VPS13D: variants seen among roughly 807,000 people sequenced by gnomAD.
The protein encoded by VPS13D is intermembrane lipid transfer protein VPS13D.
VPS13D carries 187 observed loss-of-function variants against 461.9 expected under a neutral mutation model. That is an observed-to-expected ratio of 0.40 (90% CI 0.36 to 0.46). VPS13D has a LOEUF of 0.46. Ranked by LOEUF, VPS13D falls within the 20% of genes least tolerant of loss-of-function variation. The pLI is 0.60. For synonymous variants in VPS13D, 1,951 were observed against 1,986.3 expected (o/e 0.98, Z 0.47); for missense variants, 4,711 against 5,364.9 (o/e 0.88, Z 3.81).
At chr1:12,335,941 TCTGA>T (rs1264709231) in intron 39 of VPS13D, 114 bp downstream of exon 39, 6 of 1,471,176 alleles carry the variant, frequency 4.1e-6, no homozygotes, top group East Asian at 2.3e-5. Context: ...TACAGGAAAT[TCTGA>T]CTATCTTCTG....
intron 53 of VPS13D, among the ~76,000 whole-genome samples, chr1:12,369,221 G>A (rs1644082130): frequency 6.6e-6 from 1 of 150,400 alleles, no homozygotes; most frequent in Admixed American, 6.7e-5. Flanking sequence ...ATATATGTGT[G>A]TGTGTATCTG....
At position 12,291,059 on chromosome 1, in the gene VPS13D, T is replaced by C. The variant is rs1240639157; in HGVS notation, c.5787T>C (p.His1929=). 6.2e-7 allele frequency: 1 copy of C among 1,613,970 alleles called. No homozygotes were observed. The highest frequency in any genetic ancestry group is 1.3e-5 in the African/African-American group (1 of 74,930). ...GSLSLSDLTC[H]GEFYRERFTT... ...TGTCTCTAAGTGACCTCACATGCCA[T>C]GGAGAGTTCTACAGAGAACGGTTCA... is the stretch of plus-strand genomic sequence containing the variant. The change falls in exon 23 of 70, where the codon CAT becomes CAC. Residue 1929 remains histidine, a synonymous_variant. Coordinates refer to ENST00000620676, the MANE Select transcript of VPS13D (RefSeq NM_015378.4).
intron 65 of VPS13D, among the ~76,000 whole-genome samples, chr1:12,438,774 A>G (rs1336889520): frequency 6.6e-6 from 1 of 152,186 alleles, no homozygotes; most frequent in Non-Finnish European, 1.5e-5. Context: ...TCAGAACTGA[A>G]ATTTTGACAT....
rs1182329899 is a variant in VPS13D at position 12,311,501 on chromosome 1, C to T, written c.6698C>T (p.Ser2233Phe). The change falls in exon 28 of 70, where the codon TCC becomes TTC. Residue 2233 changes from serine (S) to phenylalanine (F), a missense_variant. Coordinates refer to ENST00000620676, the MANE Select transcript of VPS13D (RefSeq NM_015378.4). ...VPDISIHGNL[S>F]SVHCSLDLYK... ...GACATATCTATCCATGGCAATCTCT[C>T]CTCAGTCCACTGCTCTCTGGATCTG... The T allele has an allele frequency of 1.2e-6, 2 of 1,614,116 alleles. No homozygotes were observed. The highest frequency in any genetic ancestry group is 2.2e-5 in the South Asian group (2 of 91,080).
chr1:12,481,349 A>C (rs1163560830), intron 67 of VPS13D, among the ~76,000 whole-genome samples: 1 of 151,992 alleles, frequency 6.6e-6, no homozygotes, highest in Non-Finnish European at 1.5e-5. Context: ...TCCGTGCCCA[A>C]CCCCTTCCCT....
At position 12,476,649 on chromosome 1, in the gene VPS13D, C is replaced by A. The variant is rs575701866; in HGVS notation, c.12662+16253C>A. ...TTCTTGAAAATTTCCTAAATTTAGC[C>A]TACCTCTTTGTTGCCTTTTATTTCC... On this transcript the variant is annotated intron_variant, in intron 67 of 69. Coordinates refer to ENST00000620676, the MANE Select transcript of VPS13D (RefSeq NM_015378.4). Among the ~76,000 whole-genome samples, 6 of 152,282 alleles carry A rather than the reference C, an allele frequency of 3.9e-5. No homozygotes were observed. The East Asian group carries it at 1.2e-3, about 29-fold the overall frequency.
chr1:12,270,959 AATTCTGACTCTGCTGTGT>A lies in VPS13D; in HGVS notation c.1973-31_1973-14del, dbSNP rs1641422713. ...ACTTTTGTTCACCCAGCCGTGTGAA[AATTCTGACTCTGCTGTGT>A]ATTTCCAACCTTGCAGGTTTTGGTT... is the stretch of plus-strand genomic sequence containing the variant. On this transcript the variant is annotated splice_polypyrimidine_tract_variant and intron_variant, in intron 16 of 69. Transcript: ENST00000620676. The A allele has an allele frequency of 1.2e-6, 2 of 1,606,340 alleles. No homozygotes were observed.
intron 38 of VPS13D, among the ~76,000 whole-genome samples, 195 bp from the exon 39 acceptor site, chr1:12,335,510 G>A (rs931785505): frequency 2.0e-5 from 3 of 152,154 alleles, no homozygotes; most frequent in Non-Finnish European, 2.9e-5. Flanking sequence ...GTTTTGTGGC[G>A]ATGGTTGTCT....
Position 12,276,151 on chromosome 1 carries a change from C to A in VPS13D, c.2563C>A (p.His855Asn). Reference sequence around the variant, plus strand: ...ACATGTGGTAGAGAAGTTCAACGTTCACCTACAGTTAGAGCGTCGATTGAT... The same window carrying A: ...ACATGTGGTAGAGAAGTTCAACGTTAACCTACAGTTAGAGCGTCGATTGAT... ...PTHVVEKFNV[H>N]LQLERRLIYT... Residue 855 changes from histidine to asparagine, a missense_variant, in exon 19 of 70, where the codon CAC becomes AAC. This residue lies in a region of VPS13D where 4,411 missense variants were observed against 4,937.8 expected (regional missense o/e 0.89). Transcript: ENST00000620676. The surrounding 1 kb of genome is among the most constrained non-coding windows in gnomAD (Gnocchi z 4.5). 1 of 1,614,152 alleles carries A rather than the reference C, an allele frequency of 6.2e-7. No individual in the cohort carries two copies. The highest frequency in any genetic ancestry group is 1.1e-5 in the South Asian group (1 of 91,084).
Position 12,299,244 on chromosome 1 carries a change from A to G in VPS13D, c.6076A>G (p.Ile2026Val). ...AQRCSRVLLD[I>V]EAGAPVLLIP... ...GCGCTGTTCACGGGTTCTCCTGGAT[A>G]TTGAGGCTGGTGCTCCCGTTCTCTT... Residue 2026 changes from isoleucine to valine, a missense_variant, in exon 25 of 70, where the codon ATT becomes GTT. By Grantham distance (29) the Ile-to-Val change is conservative. Transcript: ENST00000620676. The surrounding 1 kb of genome is among the most constrained non-coding windows in gnomAD (Gnocchi z 4.2). 1 of 1,613,580 alleles carries G rather than the reference A, an allele frequency of 6.2e-7. No individual in the cohort carries two copies. The highest frequency in any genetic ancestry group is 8.5e-7 in the Non-Finnish European group (1 of 1,179,930).
intron 63 of VPS13D, among the ~76,000 whole-genome samples, chr1:12,404,846 A>G (rs549476143): frequency 6.6e-6 from 1 of 152,254 alleles, no homozygotes; most frequent in South Asian, 2.1e-4. Flanking sequence ...GTCTTTCCTT[A>G]GTTTGAGTCA....
chr1:12,346,860 G>A (rs951511782), intron 44 of VPS13D, among the ~76,000 whole-genome samples: 6 of 152,164 alleles, frequency 3.9e-5, no homozygotes, highest in African/African-American at 1.4e-4. Flanking sequence ...GTGAGACTAA[G>A]TATTACAGGG....
At chr1:12,455,734 C>T (rs1430812583) in intron 65 of VPS13D, among the ~76,000 whole-genome samples, 3 of 152,068 alleles carry the variant, frequency 2.0e-5, no homozygotes, top group Non-Finnish European at 4.4e-5. Flanking sequence ...GCCTGACCAA[C>T]ATGGTGAAAC....
chr1:12,472,809 A>G (rs1645580100), intron 67 of VPS13D, among the ~76,000 whole-genome samples: 4 of 152,152 alleles, frequency 2.6e-5, no homozygotes, highest in Admixed American at 2.6e-4. Flanking sequence ...TGAAACCCAT[A>G]TCCATTCAGC....
intron 65 of VPS13D, among the ~76,000 whole-genome samples, chr1:12,438,272 T>C (rs2100330932): frequency 6.6e-6 from 1 of 152,254 alleles, no homozygotes; most frequent in South Asian, 2.1e-4. Context: ...TTGGTGCCCT[T>C]ATCAAAGAGA....
At chr1:12,312,842 G>A (rs1156678476) in intron 29 of VPS13D, among the ~76,000 whole-genome samples, 2 of 152,134 alleles carry the variant, frequency 1.3e-5, no homozygotes, top group East Asian at 1.9e-4. Flanking sequence ...GCAATACTAG[G>A]TCCATGTTCT....
intron 13 of VPS13D, 66 bp from the exon 14 acceptor site, chr1:12,266,815 A>C: frequency 7.6e-7 from 1 of 1,316,170 alleles, no homozygotes; most frequent in Admixed American, 2.7e-5. Context: ...TAGAATATCT[A>C]ATATTTTCAA....
chr1:12,404,071 TTTTTTTTTTGTCCCTCA>T, intron 63 of VPS13D, 98 bp downstream of exon 63: 1 of 739,190 alleles, frequency 1.4e-6, no homozygotes, highest in Non-Finnish European at 1.9e-6. Context: ...GTGTGTGTGC[TTTTTTTTTTGTCCCTCA>T]TCATCATTCA....
intron 22 of VPS13D, among the ~76,000 whole-genome samples, chr1:12,290,128 G>T (rs193233056): frequency 6.6e-6 from 1 of 151,940 alleles, no homozygotes; most frequent in Non-Finnish European, 1.5e-5. Flanking sequence ...CATTCTAGTC[G>T]TACATGTTTC....
Sources: allele counts gnomAD v4.1 joint callset (sites outside exome capture counted in the v4.1 genomes callset), GRCh38; gene constraint gnomAD v4.1.1; regional missense constraint gnomAD v4.1.1; non-coding constraint Gnocchi (gnomAD v3.1); transcripts MANE v1.5; gene names NCBI Gene and HGNC (gene_info 2026-07-23, HGNC 2026-07-21).